AHCY: variants seen among roughly 807,000 people sequenced by gnomAD.
The protein encoded by AHCY is S-adenosyl-L-homocysteine hydrolase.
Under a neutral mutation model 45.4 loss-of-function variants are expected in AHCY, and 24 were observed. The observed-to-expected ratio is 0.53, with a 90% CI of 0.38 to 0.74. The LOEUF (loss-of-function observed/expected upper bound fraction) is 0.74. Among genes scored for constraint, AHCY ranks in the 30% least tolerant of loss-of-function variants. AHCY has a pLI of 0.00. For missense variants in AHCY, 449 were observed against 594.1 expected (o/e 0.76, Z 2.54); for synonymous variants, 245 against 235.1 (o/e 1.04, Z -0.39).
chr20:34,275,486 T>C (rs1161515661), downstream of AHCY, among the ~76,000 whole-genome samples: 3 of 152,030 alleles, frequency 2.0e-5, no homozygotes, highest in African/African-American at 4.8e-5. Flanking sequence ...CAATGTCTTC[T>C]CCACTACAGC....
chr20:34,254,487 A>G, the AHCY span, among the ~76,000 whole-genome samples: 1 of 152,250 alleles, frequency 6.6e-6, no homozygotes, highest in Non-Finnish European at 1.5e-5. Flanking sequence ...CCTGAAAAGT[A>G]TAAGGTTTTG....
At position 34,290,344 on chromosome 20, in the gene AHCY, G is replaced by T. The variant is rs1468994211; in HGVS notation, c.960C>A (p.Asn320Lys). The part of the protein sequence containing the change: ...WLNENAVEKV[N>K]IKPQVDRYRL... ...GGGAGCTTCTCACCTGCGGCTTGAT[G>T]TTCACCTTCTCCACGGCGTTCTCGT... The change falls in exon 8 of 10, where the codon AAC becomes AAA. Residue 320 changes from asparagine (N) to lysine (K), a missense_variant. Physicochemically the swap from Asn to Lys is moderately conservative, Grantham distance 94. Transcript: ENST00000217426. The surrounding 1 kb of genome is among the most constrained non-coding windows in gnomAD (Gnocchi z 4.5). 6.2e-7 allele frequency: 1 copy of T among 1,614,088 alleles called. No homozygotes were observed. Among genetic ancestry groups the T allele is most frequent in the South Asian group, 1.1e-5 (1 of 91,086 alleles).
intron 2 of AHCY, 93 bp downstream of exon 2, chr20:34,295,302 C>T (rs1261563184): frequency 1.3e-6 from 2 of 1,516,066 alleles, no homozygotes; most frequent in Non-Finnish European, 1.8e-6. Context: ...CAGCTCCACA[C>T]CTGGAAGGTC....
chr20:34,258,654 A>G, the AHCY span, among the ~76,000 whole-genome samples: 1 of 32,108 alleles, frequency 3.1e-5, no homozygotes, highest in African/African-American at 5.8e-5. Flanking sequence ...TGAGGAGTTA[A>G]TATCTTAGAA....
chr20:34,235,559 C>T, the AHCY span, among the ~76,000 whole-genome samples: 1 of 152,028 alleles, frequency 6.6e-6, no homozygotes, highest in Non-Finnish European at 1.5e-5. Context: ...GACCAGGCAA[C>T]AGAAGTATAT....
the AHCY span, among the ~76,000 whole-genome samples, chr20:34,241,728 G>A: frequency 5.3e-5 from 8 of 152,162 alleles, no homozygotes; most frequent in South Asian, 2.1e-4. Flanking sequence ...AGCAGTAAAC[G>A]AATAAATAAA....
At chr20:34,250,875 A>G in the AHCY span, among the ~76,000 whole-genome samples, 2 of 152,094 alleles carry the variant, frequency 1.3e-5, no homozygotes, top group Admixed American at 1.3e-4. Flanking sequence ...TTAAGATACA[A>G]TACTCTCCCC....
At chr20:34,288,327 T>C (rs1000563000) in intron 8 of AHCY, among the ~76,000 whole-genome samples, 3 of 152,134 alleles carry the variant, frequency 2.0e-5, no homozygotes, top group African/African-American at 7.2e-5. Flanking sequence ...CCTTATCATA[T>C]CTCAAACACG....
At chr20:34,248,572 G>A in the AHCY span, among the ~76,000 whole-genome samples, 1 of 152,166 alleles carries the variant, frequency 6.6e-6, no homozygotes, top group Non-Finnish European at 1.5e-5. Flanking sequence ...GGAGGCCGAG[G>A]AGGCAGTGTC....
the AHCY span, among the ~76,000 whole-genome samples, chr20:34,257,088 T>C: frequency 2.0e-4 from 31 of 151,670 alleles, no homozygotes; most frequent in Admixed American, 5.3e-4. Context: ...TTTTTGTTTT[T>C]TGTTTTTTGT....
rs779147985 is a variant in AHCY at position 34,295,242 on chromosome 20, G to A, written c.219+153C>T. The A allele has an allele frequency of 3.2e-5, 30 of 936,310 alleles. No homozygotes were observed. The African/African-American group carries it at 4.2e-4, about 13-fold the overall frequency. 58.0% of individuals were successfully genotyped at this position (936,310 alleles called of 1,614,324 possible). ...CTCACCACAAGGGGTGGCAGCACTG[G>A]GAAACGGAGGAAACCGAGTGAGAGG... On this transcript the variant is annotated intron_variant, in intron 2 of 9. Coordinates refer to ENST00000217426, the MANE Select transcript of AHCY (RefSeq NM_000687.4).
At chr20:34,289,139 G>A (rs1341855727) in intron 8 of AHCY, among the ~76,000 whole-genome samples, 1 of 152,082 alleles carries the variant, frequency 6.6e-6, no homozygotes, top group East Asian at 1.9e-4. Flanking sequence ...GAGTAGCTGG[G>A]ATTACAGGCA....
the AHCY span, among the ~76,000 whole-genome samples, chr20:34,269,947 A>T: frequency 3.6e-3 from 27 of 7,464 alleles, no homozygotes; most frequent in African/African-American, 0.011. Flanking sequence ...ACTCTGTCTT[A>T]AAAAAAAAAA....
downstream of AHCY, among the ~76,000 whole-genome samples, chr20:34,276,121 CTT>C (rs2035908640): frequency 6.6e-6 from 1 of 152,164 alleles, no homozygotes; most frequent in Non-Finnish European, 1.5e-5. Context: ...AGCTGGGTCT[CTT>C]TTACAGTTGC....
At chr20:34,248,181 G>A in the AHCY span, among the ~76,000 whole-genome samples, 4,089 of 151,906 alleles carry the variant, frequency 0.027, 215 homozygotes, top group African/African-American at 0.095. Flanking sequence ...ACTCCAGCCT[G>A]GTGACAGAGC....
At chr20:34,259,297 G>C in the AHCY span, among the ~76,000 whole-genome samples, 5 of 152,008 alleles carry the variant, frequency 3.3e-5, no homozygotes, top group African/African-American at 1.2e-4. Flanking sequence ...CGGATCACTT[G>C]AGGACAAGAG....
chr20:34,308,938 G>A (rs904432184), intron 1 of AHCY, among the ~76,000 whole-genome samples: 2 of 150,312 alleles, frequency 1.3e-5, no homozygotes, highest in Non-Finnish European at 2.9e-5. Context: ...ACAGGCGTGA[G>A]CCACTGCGCC....
At chr20:34,259,313 G>A in the AHCY span, among the ~76,000 whole-genome samples, 1 of 152,042 alleles carries the variant, frequency 6.6e-6, no homozygotes, top group Non-Finnish European at 1.5e-5. Context: ...AAGAGTTCGA[G>A]ACCAGCCTGG....
the AHCY span, among the ~76,000 whole-genome samples, chr20:34,243,715 T>C: frequency 6.6e-6 from 1 of 151,530 alleles, no homozygotes; most frequent in Non-Finnish European, 1.5e-5. Context: ...CATTTTTAAA[T>C]TTTACATCTT....
Sources: gnomAD v4.1 joint callset for allele counts (sites outside exome capture counted in the v4.1 genomes callset) on GRCh38, gnomAD v4.1.1 for gene constraint, Gnocchi (gnomAD v3.1) non-coding constraint, MANE v1.5 for transcripts, NCBI Gene and HGNC (gene_info 2026-07-23, HGNC 2026-07-21) for gene names.